BPTF: variants seen among roughly 807,000 people sequenced by gnomAD.
BPTF encodes the protein bromodomain PHD finger transcription factor, also known as nucleosome-remodeling factor subunit BPTF.
A neutral mutation model predicts 292.5 loss-of-function variants in BPTF; 18 were observed. The observed-to-expected ratio is 0.06, with a 90% CI of 0.04 to 0.09. BPTF has a LOEUF of 0.09. BPTF is among the 10% of genes least tolerant of loss of function. The pLI, the probability that BPTF is intolerant of heterozygous loss-of-function variation, is 1.00. For missense variants in BPTF, 2,726 were observed against 3,498.7 expected (o/e 0.78, Z 5.57); for synonymous variants, 1,225 against 1,251.9 (o/e 0.98, Z 0.45).
At chr17:67,971,687 C>G (rs1401717190) in intron 26 of BPTF, among the ~76,000 whole-genome samples, 2 of 151,642 alleles carry the variant, frequency 1.3e-5, no homozygotes, top group Non-Finnish European at 2.9e-5. Flanking sequence ...GCCTGTAATC[C>G]CAGCTACTCA....
intron 4 of BPTF, among the ~76,000 whole-genome samples, chr17:67,880,732 G>T (rs73352817): frequency 6.6e-5 from 10 of 151,970 alleles, no homozygotes; most frequent in Non-Finnish European, 1.2e-4. Context: ...GAACTCCTGA[G>T]CTCAAGTGAT....
At position 67,912,182 on chromosome 17, in the gene BPTF, G is replaced by A. The variant is rs2062697880; in HGVS notation, c.4298G>A (p.Ser1433Asn). Residue 1433 changes from serine (S) to asparagine (N), a missense_variant, in exon 11 of 28, where the codon AGT (serine) becomes AAT (asparagine). Transcript: ENST00000306378. ...LKEISESRVVSGNVEPKVNNI... is the reference protein window; with the variant it reads ...LKEISESRVVNGNVEPKVNNI... ...GAAATTTCTGAGAGTAGAGTAGTAA[G>A]TGGTAATGTTGAACCAAAGGTTAAT... is the stretch of plus-strand genomic sequence containing the variant. The A allele has an allele frequency of 6.2e-7, 1 of 1,611,522 alleles. No homozygotes were observed. The highest frequency in any genetic ancestry group is 2.2e-5 in the East Asian group (1 of 44,874).
At chr17:67,938,407 A>G (rs1418123139) in intron 18 of BPTF, among the ~76,000 whole-genome samples, 1 of 152,206 alleles carries the variant, frequency 6.6e-6, no homozygotes, top group Non-Finnish European at 1.5e-5. Flanking sequence ...TCTTGAGTAA[A>G]TGAATGAGAG....
chr17:67,933,450 TC>T (rs2064600883), intron 18 of BPTF, among the ~76,000 whole-genome samples: 1 of 151,300 alleles, frequency 6.6e-6, no homozygotes, highest in South Asian at 2.1e-4. Flanking sequence ...ACGCCTGTAG[TC>T]CCAGCTACTT....
At chr17:67,928,275 G>A in intron 15 of BPTF, 80 bp from the exon 16 acceptor site, 1 of 1,421,088 alleles carries the variant, frequency 7.0e-7, no homozygotes. Context: ...GAGAGAAATT[G>A]TGGACAGACT....
chr17:67,843,179 G>T (rs117235289), intron 1 of BPTF, among the ~76,000 whole-genome samples: 2 of 128,670 alleles, frequency 1.6e-5, no homozygotes, highest in Non-Finnish European at 1.8e-5. Flanking sequence ...GATACATATA[G>T]ATATCTACAT....
Position 67,886,330 on chromosome 17 carries a change from TCATC to T in BPTF, c.1865-5510_1865-5507del, listed in dbSNP as rs755528675. On this transcript the variant is annotated intron_variant, in intron 4 of 27. Coordinates refer to ENST00000306378, the MANE Select transcript of BPTF (RefSeq NM_182641.4). Reference sequence around the variant, plus strand: ...AGGAAGAGATAGGTAAGAATATACTTCATCCATTCCTTTAAAGGGAAGTTTTTTC... The same window carrying T: ...AGGAAGAGATAGGTAAGAATATACTTCATTCCTTTAAAGGGAAGTTTTTTC... The T allele has an allele frequency of 1.9e-4, 287 of 1,534,768 alleles. 3 individuals carry two copies. In the African/African-American group the frequency reaches 3.7e-3, roughly 20 times the overall value.
intron 15 of BPTF, among the ~76,000 whole-genome samples, chr17:67,927,867 A>T (rs918673609): frequency 6.6e-6 from 1 of 152,100 alleles, no homozygotes; most frequent in Non-Finnish European, 1.5e-5. Flanking sequence ...TATGGCCTTC[A>T]TCAAGAAATT....
chr17:67,917,809 T>TTTTTG (rs1473328244), intron 11 of BPTF, among the ~76,000 whole-genome samples: 3 of 151,426 alleles, frequency 2.0e-5, no homozygotes, highest in East Asian at 3.9e-4. Context: ...AGTTTTGTAT[T>TTTTTG]TTTTGTTTTG....
At position 67,907,074 on chromosome 17, in the gene BPTF, AC is replaced by A. The variant is rs376976745; in HGVS notation, c.2812+2235del. Among the ~76,000 whole-genome samples the A allele has an allele frequency of 1.6e-3, 248 of 151,788 alleles. 2 individuals are homozygous for A. The highest frequency in any genetic ancestry group is 5.7e-3 in the African/African-American group (237 of 41,348). ...TTGGTACACACCTGTATTCCCAGTT[AC>A]TCAGGAGGCTGATGAGGGAGGATCG... On this transcript the variant is annotated intron_variant, in intron 9 of 27. Coordinates refer to ENST00000306378, the MANE Select transcript of BPTF (RefSeq NM_182641.4).
chr17:67,857,812 C>T (rs563874978), intron 2 of BPTF, among the ~76,000 whole-genome samples: 11 of 129,020 alleles, frequency 8.5e-5, no homozygotes, highest in Admixed American at 8.0e-4. Context: ...TTTGAGACAG[C>T]GTCTCACTCT....
Position 67,964,515 on chromosome 17 carries a change from A to T in BPTF, c.8454+111A>T, listed in dbSNP as rs1325173100. The T allele has an allele frequency of 3.3e-5, 43 of 1,301,992 alleles. No homozygotes were observed. In the African/African-American group the frequency reaches 4.1e-4, roughly 13 times the overall value. The allele number at this position is 1,301,992 out of a possible 1,614,324, so 80.7% of individuals were successfully genotyped here. Reference sequence around the variant, plus strand: ...TTAGAATGATTATTTACTGACTCCCAGCTAGTCTAGTGAAGTGCCTAACAA... The same window carrying T: ...TTAGAATGATTATTTACTGACTCCCTGCTAGTCTAGTGAAGTGCCTAACAA... On this transcript the variant is annotated intron_variant, in intron 25 of 27. Transcript: ENST00000306378.
intron 10 of BPTF, 150 bp downstream of exon 10, chr17:67,909,911 G>A (rs2062537419): frequency 1.7e-6 from 1 of 596,926 alleles, no homozygotes; most frequent in African/African-American, 1.9e-5. Flanking sequence ...CCCAATTAAA[G>A]TGTAAATTCA....
chr17:67,912,441 A>C lies in BPTF; in HGVS notation c.4557A>C (p.Ser1519=), dbSNP rs1568050482. The C allele has an allele frequency of 6.2e-7, 1 of 1,613,898 alleles. No homozygotes were observed. Among genetic ancestry groups the C allele is most frequent in the East Asian group, 2.2e-5 (1 of 44,888 alleles). ...ESDSTQTTTP[S]ASCPESNSVN... ...ACAGTACACAGACGACCACACCCTC[A>C]GCATCTTGTCCAGAAAGCAATTCAG... The change falls in exon 11 of 28, where the codon TCA becomes TCC. Residue 1519 remains serine, a synonymous_variant. Transcript: ENST00000306378.
At chr17:67,874,604 A>G (rs1312927095) in intron 3 of BPTF, among the ~76,000 whole-genome samples, 2 of 152,188 alleles carry the variant, frequency 1.3e-5, no homozygotes, top group Non-Finnish European at 2.9e-5. Context: ...ATTAGCATGT[A>G]TTATCTAGAG....
At chr17:67,874,768 A>G in intron 3 of BPTF, 49 bp from the exon 4 acceptor site, 5 of 1,273,206 alleles carry the variant, frequency 3.9e-6, no homozygotes, top group Non-Finnish European at 5.6e-6. Flanking sequence ...GTACTGTTCT[A>G]TTTGGTTATA....
rs940031230 is a variant in BPTF, at chr17:67,942,315, A to C, written c.6477+1659A>C. On this transcript the variant is annotated intron_variant, in intron 19 of 27. Transcript: ENST00000306378. ...AGGCAACAGACTCCGTCTCAAAAAA[A>C]AGAAAAACAAAAAAAAAAGGACAAA... 3.8e-4 allele frequency among the ~76,000 whole-genome samples: 5 copies of C among 13,034 alleles called. No individual in the cohort carries two copies. The Admixed American group carries it at 4.5e-3, about 12-fold the overall frequency. 8.6% of individuals were successfully genotyped at this position (13,034 alleles called of 152,430 possible). A position where few individuals can be genotyped will look rare whatever the true frequency, so the allele number is the denominator to read the frequency against.
intron 2 of BPTF, among the ~76,000 whole-genome samples, chr17:67,862,011 T>C (rs2059113737): frequency 6.6e-6 from 1 of 152,252 alleles, no homozygotes; most frequent in Non-Finnish European, 1.5e-5. Context: ...AGTCTCACTC[T>C]GTCGCCCAGG....
intron 15 of BPTF, among the ~76,000 whole-genome samples, chr17:67,926,498 G>A (rs1020981806): frequency 2.1e-4 from 32 of 151,200 alleles, no homozygotes; most frequent in African/African-American, 6.6e-4. Flanking sequence ...CTAATTTTTT[G>A]TATTTTTAGT....
Sources: gnomAD v4.1 joint callset for allele counts (sites outside exome capture counted in the v4.1 genomes callset) on GRCh38, gnomAD v4.1.1 for gene constraint, MANE v1.5 for transcripts, NCBI Gene and HGNC (gene_info 2026-07-23, HGNC 2026-07-21) for gene names.